The following MED12L variants were observed in gnomAD, a reference collection of about 807,000 sequenced individuals.
The protein encoded by MED12L is mediator of RNA polymerase II transcription subunit 12-like protein.
A neutral mutation model predicts 281.3 loss-of-function variants in MED12L; 60 were observed. The observed-to-expected ratio is 0.21, with a 90% confidence interval of 0.17 to 0.26. The LOEUF (loss-of-function observed/expected upper bound fraction) is 0.26, where lower values mean the gene tolerates loss of function less well. Among genes scored for constraint, MED12L ranks in the 10% least tolerant of loss-of-function variants. The probability of loss-of-function intolerance (pLI) is 1.00; values close to 1 mark genes in which losing one functional copy is unlikely to be tolerated. For synonymous variants in MED12L, 974 were observed against 987.2 expected, an observed-to-expected ratio of 0.99 and a Z score of 0.25; for missense variants, 2,146 against 2,680.9, an observed-to-expected ratio of 0.80 and a Z score of 4.41.
At chr3:151,214,368 A>G in intron 16 of MED12L, 1 of 1,471,284 alleles carries the variant, frequency 6.8e-7, no homozygotes, top group African/African-American at 1.4e-5. Flanking sequence ...CTGGTCACTC[A>G]TAGGGCACTT....
chr3:151,236,966 T>A (rs1014524666), intron 16 of MED12L, among the ~76,000 whole-genome samples: 2 of 152,150 alleles, frequency 1.3e-5, no homozygotes, highest in African/African-American at 4.8e-5. Context: ...TTTGAAAATT[T>A]CTCGTGGATA....
rs542984638 is a variant in MED12L, at chr3:151,119,245, A to T, written c.204+2803A>T. On this transcript the variant is annotated intron_variant, in intron 3 of 44. Transcript: ENST00000687756. ...TTGTTCTTTAGGATAAATTCCCTGA[A>T]TTGTATTACTACTTGGTTAAAGGGT... Among the ~76,000 whole-genome samples the T allele has an allele frequency of 2.0e-5, 3 of 152,338 alleles. No homozygotes were observed. The South Asian group carries it at 6.2e-4, about 32-fold the overall frequency.
At chr3:151,367,849 G>C in intron 24 of MED12L, 83 bp downstream of exon 24, 6 of 1,458,718 alleles carry the variant, frequency 4.1e-6, no homozygotes, top group Non-Finnish European at 5.6e-6. Flanking sequence ...ACAGGGAAAG[G>C]AGTATTTGAG....
At chr3:151,231,834 C>T (rs1731735220) in intron 16 of MED12L, among the ~76,000 whole-genome samples, 3 of 152,060 alleles carry the variant, frequency 2.0e-5, no homozygotes, top group South Asian at 4.1e-4. Flanking sequence ...TTTAGAGATG[C>T]TTATTGAAGT....
chr3:151,271,318 A>G (rs1740899047), intron 16 of MED12L, among the ~76,000 whole-genome samples: 1 of 152,244 alleles, frequency 6.6e-6, no homozygotes, highest in African/African-American at 2.4e-5. Flanking sequence ...ATAAGGTAGT[A>G]CTTTCACCCA....
At chr3:151,125,830 T>C (rs1401100450) in intron 4 of MED12L, among the ~76,000 whole-genome samples, 1 of 152,190 alleles carries the variant, frequency 6.6e-6, no homozygotes, top group African/African-American at 2.4e-5. Context: ...GTATCTTTTT[T>C]GTCTAAAAGA....
chr3:151,288,453 G>A (rs1743837990), intron 16 of MED12L, among the ~76,000 whole-genome samples: 1 of 152,026 alleles, frequency 6.6e-6, no homozygotes, highest in African/African-American at 2.4e-5. Context: ...ATTTATTTTG[G>A]AGATCCACAT....
In MED12L at chr3:151,191,237, A is replaced by C. The variant is rs528521934; in HGVS notation, c.1968+306A>C. ...TGTTTCTAATCTCTAGTTTTTCTTT[A>C]ACATTGTGTCTCAAAACTGGACTTG... is the stretch of plus-strand genomic sequence containing the variant. On this transcript the variant is annotated intron_variant, in intron 14 of 44. Coordinates refer to ENST00000687756, the MANE Select transcript of MED12L (RefSeq NM_001393769.1). 6.6e-4 allele frequency among the ~76,000 whole-genome samples: 101 copies of C among 152,260 alleles called. 1 individual carries two copies. The South Asian group carries it at 0.014, about 21-fold the overall frequency.
At chr3:151,103,007 A>G (rs1244482407) in intron 2 of MED12L, among the ~76,000 whole-genome samples, 1 of 152,224 alleles carries the variant, frequency 6.6e-6, no homozygotes, top group African/African-American at 2.4e-5. Flanking sequence ...CACCTAGCAC[A>G]CTAGCTTGTT....
rs143105537 is a variant in MED12L, at chr3:151,286,462, T to C, written c.2251-63597T>C. On this transcript the variant is annotated intron_variant, in intron 16 of 44. Transcript: ENST00000687756. ...GTGTTAAGCAAAAAACTTCAAGCAA[T>C]AGGCACTAACTCAGAAAACTGTTCT... 2.6e-5 allele frequency among the ~76,000 whole-genome samples: 4 copies of C among 152,266 alleles called. No individual in the cohort carries two copies. In the East Asian group the frequency reaches 7.7e-4, roughly 29 times the overall value.
chr3:151,191,863 G>A (rs571222239), intron 14 of MED12L, among the ~76,000 whole-genome samples: 29 of 151,790 alleles, frequency 1.9e-4, no homozygotes, highest in African/African-American at 6.3e-4. Context: ...CCGAGATTGC[G>A]CCATTGCACT....
chr3:151,387,736 T>C (rs773773946), intron 36 of MED12L, 74 bp from the exon 37 acceptor site: 233 of 1,514,520 alleles, frequency 1.5e-4, no homozygotes, highest in Non-Finnish European at 1.9e-4. Context: ...TCTGACTCCA[T>C]GTCCCATACA....
chr3:151,296,419 C>G (rs112064619), intron 16 of MED12L, among the ~76,000 whole-genome samples: 2 of 152,156 alleles, frequency 1.3e-5, no homozygotes, highest in Non-Finnish European at 2.9e-5. Context: ...ACGCTTCCCG[C>G]GGACTGCTCC....
At chr3:151,401,189 T>C (rs538029415) in intron 39 of MED12L, among the ~76,000 whole-genome samples, 1 of 152,352 alleles carries the variant, frequency 6.6e-6, no homozygotes, top group South Asian at 2.1e-4. Flanking sequence ...TATTCATTCA[T>C]TTATCCTGTT....
At chr3:151,229,667 T>C (rs1731247407) in intron 16 of MED12L, among the ~76,000 whole-genome samples, 1 of 151,474 alleles carries the variant, frequency 6.6e-6, no homozygotes, top group Non-Finnish European at 1.5e-5. Context: ...TTAGTAGAGA[T>C]GGGGTTTCAT....
At chr3:151,191,973 A>ATG (rs1724048389) in intron 14 of MED12L, among the ~76,000 whole-genome samples, 1 of 152,190 alleles carries the variant, frequency 6.6e-6, no homozygotes, top group Non-Finnish European at 1.5e-5. Context: ...TTTTTAAAAC[A>ATG]GTAGCTATAC....
At chr3:151,143,411 A>T (rs146038267) in intron 5 of MED12L, among the ~76,000 whole-genome samples, 1 of 152,364 alleles carries the variant, frequency 6.6e-6, no homozygotes, top group African/African-American at 2.4e-5. Context: ...ATGCAAAGTG[A>T]AAAAAGAAAA....
At chr3:151,318,383 TTTG>T (rs1386784970) in intron 16 of MED12L, among the ~76,000 whole-genome samples, 1 of 151,748 alleles carries the variant, frequency 6.6e-6, no homozygotes, top group East Asian at 1.9e-4. Flanking sequence ...TTGAAACCAG[TTTG>T]TTGTATTTTG....
At chr3:151,272,992 C>T (rs1741234002) in intron 16 of MED12L, among the ~76,000 whole-genome samples, 1 of 152,024 alleles carries the variant, frequency 6.6e-6, no homozygotes, top group Admixed American at 6.6e-5. Context: ...ACATGACTCT[C>T]AAAAGAAATG....
Sources: allele counts gnomAD v4.1 joint callset (sites outside exome capture counted in the v4.1 genomes callset), GRCh38; gene constraint gnomAD v4.1.1; transcripts MANE v1.5; gene names NCBI Gene and HGNC (gene_info 2026-07-23, HGNC 2026-07-21).